EML4: variants seen among roughly 807,000 people sequenced by gnomAD.
EML4 encodes the protein echinoderm microtubule-associated protein-like 4.
Under a neutral mutation model 129.0 loss-of-function variants are expected in EML4, and 72 were observed. The observed-to-expected ratio is 0.56, with a 90% CI of 0.46 to 0.68. The LOEUF is 0.68. Among genes scored for constraint, EML4 ranks in the 30% least tolerant of loss-of-function variants. The pLI is 0.00. For synonymous variants in EML4, 532 were observed against 405.0 expected (o/e 1.31, Z -3.77); for missense variants, 1,363 against 1,190.6 (o/e 1.14, Z -2.13).
intron 1 of EML4, among the ~76,000 whole-genome samples, chr2:42,215,758 A>C (rs1410072599): frequency 6.6e-6 from 1 of 152,114 alleles, no homozygotes; most frequent in African/African-American, 2.4e-5. Flanking sequence ...AAATATAAAG[A>C]ATCTTTATTG....
At chr2:42,279,124 A>T (rs553899978) in intron 6 of EML4, among the ~76,000 whole-genome samples, 40 of 152,200 alleles carry the variant, frequency 2.6e-4, no homozygotes, top group African/African-American at 9.6e-4. Context: ...TCTTGAGGTC[A>T]TGTTTTTGTT....
chr2:42,266,246 A>T (rs946620360), intron 6 of EML4, among the ~76,000 whole-genome samples: 1 of 151,996 alleles, frequency 6.6e-6, no homozygotes, highest in Non-Finnish European at 1.5e-5. Context: ...AGTAGGTCTT[A>T]CTTTCTCCCT....
chr2:42,297,541 ACTAACC>A (rs1277383296), intron 13 of EML4, among the ~76,000 whole-genome samples: 4 of 152,188 alleles, frequency 2.6e-5, no homozygotes, highest in African/African-American at 9.6e-5. Context: ...TTGCCACATG[ACTAACC>A]CTATTATGGG....
chr2:42,313,121 T>C (rs1207578144), intron 17 of EML4, among the ~76,000 whole-genome samples: 2 of 151,408 alleles, frequency 1.3e-5, no homozygotes, highest in African/African-American at 4.9e-5. Flanking sequence ...GCTAATTTTT[T>C]ATATTCTTAG....
At chr2:42,325,780 C>G (rs1212024040) in intron 20 of EML4, among the ~76,000 whole-genome samples, 1 of 151,330 alleles carries the variant, frequency 6.6e-6, no homozygotes, top group Admixed American at 6.6e-5. Flanking sequence ...ATGTGATTCA[C>G]TTCTCCAAGA....
intron 14 of EML4, 119 bp from the exon 15 acceptor site, chr2:42,302,985 T>C (rs1313899280): frequency 1.2e-6 from 1 of 862,574 alleles, no homozygotes; most frequent in Non-Finnish European, 1.8e-6. Context: ...GATTACCATA[T>C]CCAAATTTGG....
rs930262497 is a variant in EML4 at position 42,235,673 on chromosome 2, G to T, written c.26-9832G>T. Among the ~76,000 whole-genome samples, 6 of 152,070 alleles carry T rather than the reference G, an allele frequency of 3.9e-5. No homozygotes were observed. The East Asian group carries it at 1.2e-3, about 29-fold the overall frequency. Reference sequence around the variant, plus strand: ...TTTTTTAACAACTTATTTGTTCTTGGGATGATATTATATCTCATATCATGT... The same window carrying T: ...TTTTTTAACAACTTATTTGTTCTTGTGATGATATTATATCTCATATCATGT... On this transcript the variant is annotated intron_variant, in intron 1 of 22. Transcript: ENST00000318522.
intron 1 of EML4, among the ~76,000 whole-genome samples, chr2:42,188,319 T>C (rs1671382763): frequency 6.6e-6 from 1 of 152,158 alleles, no homozygotes; most frequent in Admixed American, 6.5e-5. Flanking sequence ...CCTCCTGGGC[T>C]CAGGTGATCC....
chr2:42,292,636 A>C (rs746041448), intron 11 of EML4, among the ~76,000 whole-genome samples: 18 of 152,332 alleles, frequency 1.2e-4, no homozygotes, highest in South Asian at 4.1e-4. Flanking sequence ...AAGGGGATCT[A>C]GGGTATTTAT....
Position 42,331,744 on chromosome 2 carries a change from A to G in EML4, c.*1537A>G. On this transcript the variant is annotated 3_prime_UTR_variant, in exon 23 of 23. Coordinates refer to ENST00000318522, the MANE Select transcript of EML4 (RefSeq NM_019063.5). ...CATCATTTGGTAATATGAAAACTCC[A>G]GTGAACTCCCAAGGACATTTACAAC... is the stretch of plus-strand genomic sequence containing the variant. The G allele has an allele frequency of 4.5e-6, 1 of 221,052 alleles. No individual in the cohort carries two copies. Among genetic ancestry groups the G allele is most frequent in the Non-Finnish European group, 9.1e-6 (1 of 110,164 alleles). The allele number at this position is 221,052 out of a possible 1,614,324, so 13.7% of individuals were successfully genotyped here.
chr2:42,228,219 T>TC, intron 1 of EML4, among the ~76,000 whole-genome samples: 1 of 105,002 alleles, frequency 9.5e-6, no homozygotes, highest in Non-Finnish European at 2.1e-5. Context: ...AGACTCTGTC[T>TC]CAAAAAAAAA....
chr2:42,281,114 CCAGGCGCG>C (rs1454828912), intron 7 of EML4, 141 bp downstream of exon 7: 1 of 706,786 alleles, frequency 1.4e-6, no homozygotes, highest in Non-Finnish European at 2.2e-6. Flanking sequence ...AAACATCAGG[CCAGGCGCG>C]GTGGTTCACG....
intron 1 of EML4, among the ~76,000 whole-genome samples, chr2:42,197,153 C>G (rs1177593471): frequency 1.3e-5 from 2 of 152,110 alleles, no homozygotes; most frequent in Non-Finnish European, 2.9e-5. Flanking sequence ...GCCTTGACCT[C>G]CCAGGATCAG....
At chr2:42,253,820 C>T (rs561971066) in intron 2 of EML4, among the ~76,000 whole-genome samples, 4 of 152,114 alleles carry the variant, frequency 2.6e-5, no homozygotes, top group South Asian at 4.1e-4. Context: ...AGGGCTAAAA[C>T]TTATGTAAGA....
At chr2:42,276,333 A>G (rs1375754929) in intron 6 of EML4, among the ~76,000 whole-genome samples, 1 of 152,190 alleles carries the variant, frequency 6.6e-6, no homozygotes, top group East Asian at 1.9e-4. Context: ...CACATTCTTC[A>G]TGGAGTGGCC....
intron 1 of EML4, among the ~76,000 whole-genome samples, chr2:42,176,292 T>C (rs770892737): frequency 1.3e-5 from 2 of 152,230 alleles, no homozygotes; most frequent in Non-Finnish European, 2.9e-5. Flanking sequence ...TTCAGGTACT[T>C]ATTATTCGAT....
chr2:42,231,114 A>G (rs565613722), intron 1 of EML4, among the ~76,000 whole-genome samples: 40 of 152,336 alleles, frequency 2.6e-4, no homozygotes, highest in African/African-American at 8.4e-4. Flanking sequence ...AGTGCATTGC[A>G]GTTATGCTTC....
chr2:42,322,435 C>CCTTGGTTG (rs374537170), intron 19 of EML4, among the ~76,000 whole-genome samples: 1 of 152,188 alleles, frequency 6.6e-6, no homozygotes, highest in Non-Finnish European at 1.5e-5. Context: ...TAAATTGAGA[C>CCTTGGTTG]CTTGGTTGCT....
chr2:42,237,215 A>G (rs756816667), intron 1 of EML4, among the ~76,000 whole-genome samples: 4 of 152,128 alleles, frequency 2.6e-5, no homozygotes, highest in Non-Finnish European at 5.9e-5. Flanking sequence ...GATTGTGGGC[A>G]TGAGCTACCA....
Sources: gnomAD v4.1 joint callset for allele counts (sites outside exome capture counted in the v4.1 genomes callset) on GRCh38, gnomAD v4.1.1 for gene constraint, MANE v1.5 for transcripts, NCBI Gene and HGNC (gene_info 2026-07-23, HGNC 2026-07-21) for gene names.